TES: variants seen among roughly 807,000 people sequenced by gnomAD.
TES encodes the protein testin.
A neutral mutation model predicts 48.2 loss-of-function variants in TES; 41 were observed. The observed-to-expected ratio is 0.85, with a 90% CI of 0.66 to 1.10. The LOEUF (loss-of-function observed/expected upper bound fraction) is 1.10, where lower values mean the gene tolerates loss of function less well. Ranked by LOEUF, TES falls within the 50% of genes least tolerant of loss-of-function variation. TES has a pLI of 0.00. For synonymous variants in TES, 162 were observed against 174.9 expected (o/e 0.93, Z 0.58); for missense variants, 463 against 515.1 (o/e 0.90, Z 0.98).
chr7:116,211,718 C>A (rs922980357), intron 1 of TES, among the ~76,000 whole-genome samples: 1 of 152,150 alleles, frequency 6.6e-6, no homozygotes, highest in Admixed American at 6.5e-5. Flanking sequence ...TTTTGTTTTT[C>A]TCATACTCAT....
At chr7:116,218,681 AT>A (rs60689613) in intron 1 of TES, among the ~76,000 whole-genome samples, 18,149 of 151,886 alleles carry the variant, frequency 0.12, 1,079 homozygotes, top group South Asian at 0.19. Context: ...CAAAATACCG[AT>A]GTCACCTTTG....
intron 2 of TES, among the ~76,000 whole-genome samples, chr7:116,241,322 G>T (rs1799845539): frequency 6.6e-6 from 1 of 152,206 alleles, no homozygotes; most frequent in Admixed American, 6.5e-5. Context: ...CTAAAACTAG[G>T]TAAGTGGTAA....
intron 2 of TES, among the ~76,000 whole-genome samples, chr7:116,243,220 A>T (rs1799872501): frequency 6.6e-6 from 1 of 152,156 alleles, no homozygotes; most frequent in Non-Finnish European, 1.5e-5. Flanking sequence ...GCCTAATTGT[A>T]TCTAATGTTA....
chr7:116,229,033 T>TATATATATATATATATA (rs1417517023), intron 1 of TES, among the ~76,000 whole-genome samples: 11 of 115,480 alleles, frequency 9.5e-5, no homozygotes, highest in African/African-American at 2.7e-4. Flanking sequence ...TATATATATA[T>TATATATATATATATATA]AATCATTTCC....
chr7:116,236,802 T>A (rs1356371004), intron 2 of TES, among the ~76,000 whole-genome samples: 1 of 152,210 alleles, frequency 6.6e-6, no homozygotes, highest in African/African-American at 2.4e-5. Context: ...AATAACCTTT[T>A]ACATTTCAAT....
chr7:116,221,448 A>G (rs530590780), intron 1 of TES, among the ~76,000 whole-genome samples: 1 of 152,276 alleles, frequency 6.6e-6, no homozygotes, highest in South Asian at 2.1e-4. Flanking sequence ...TCCCATTAAA[A>G]AGTGGAGTCT....
intron 1 of TES, among the ~76,000 whole-genome samples, chr7:116,215,725 TA>T (rs1247612546): frequency 6.6e-6 from 1 of 152,112 alleles, no homozygotes; most frequent in Non-Finnish European, 1.5e-5. Context: ...TCTGGAACTA[TA>T]AAGGGATGCT....
intron 1 of TES, among the ~76,000 whole-genome samples, chr7:116,215,588 G>A (rs1305512544): frequency 6.6e-6 from 1 of 152,140 alleles, no homozygotes; most frequent in Non-Finnish European, 1.5e-5. Context: ...TATCTTCTAA[G>A]ATTCTCCCAA....
intron 2 of TES, 77 bp downstream of exon 2, chr7:116,234,696 C>T (rs1430155112): frequency 8.4e-6 from 10 of 1,187,978 alleles, no homozygotes; most frequent in Admixed American, 5.2e-5. Context: ...GAGATATCTT[C>T]GAGTTCTCCA....
intron 2 of TES, 126 bp from the exon 3 acceptor site, chr7:116,248,894 A>G: frequency 1.1e-6 from 1 of 951,020 alleles, no homozygotes; most frequent in East Asian, 2.7e-5. Flanking sequence ...CCCTCCTAAA[A>G]AAGGACTTGC....
chr7:116,229,987 A>G (rs914811159), intron 1 of TES, among the ~76,000 whole-genome samples: 1 of 152,228 alleles, frequency 6.6e-6, no homozygotes, highest in African/African-American at 2.4e-5. Flanking sequence ...GGTATCAATG[A>G]GATTTAAGTT....
intron 2 of TES, among the ~76,000 whole-genome samples, chr7:116,243,256 TGTAA>T (rs1434373225): frequency 6.6e-6 from 1 of 152,228 alleles, no homozygotes; most frequent in East Asian, 1.9e-4. Flanking sequence ...GACTGAACAA[TGTAA>T]GTATCTTTAG....
At chr7:116,242,580 G>T (rs1416338380) in intron 2 of TES, among the ~76,000 whole-genome samples, 2 of 151,468 alleles carry the variant, frequency 1.3e-5, no homozygotes, top group African/African-American at 4.9e-5. Context: ...AATATTTTCA[G>T]TTTGCATACT....
intron 2 of TES, among the ~76,000 whole-genome samples, chr7:116,236,554 C>A (rs1364282756): frequency 6.6e-6 from 1 of 152,090 alleles, no homozygotes; most frequent in Non-Finnish European, 1.5e-5. Flanking sequence ...AAATCTGATA[C>A]ACTTCTGTTT....
At chr7:116,256,441 C>T (rs917891894) in intron 6 of TES, among the ~76,000 whole-genome samples, 3 of 152,200 alleles carry the variant, frequency 2.0e-5, no homozygotes, top group African/African-American at 7.2e-5. Context: ...AACTTTAAGA[C>T]AGCCATATTC....
At chr7:116,231,953 T>C (rs1799706157) in intron 1 of TES, among the ~76,000 whole-genome samples, 1 of 152,210 alleles carries the variant, frequency 6.6e-6, no homozygotes, top group Admixed American at 6.5e-5. Flanking sequence ...ATTTTATTTT[T>C]GATTTACAAA....
chr7:116,214,791 C>G (rs1384351050), intron 1 of TES, among the ~76,000 whole-genome samples: 1 of 152,042 alleles, frequency 6.6e-6, no homozygotes, highest in East Asian at 1.9e-4. Context: ...TTGTGCATGC[C>G]CATACTCCAT....
At chr7:116,211,556 G>A (rs1296761210) in intron 1 of TES, 1 of 152,262 alleles carries the variant, frequency 6.6e-6, no homozygotes, top group Non-Finnish European at 1.5e-5. Flanking sequence ...AAGGAATGCT[G>A]ATGTCACATT....
chr7:116,251,638 G>A, intron 4 of TES, 122 bp from the exon 5 acceptor site: 2 of 882,308 alleles, frequency 2.3e-6, no homozygotes, highest in Non-Finnish European at 1.8e-6. Context: ...AGCCGAGATA[G>A]CACCACTGGA....
Sources: gnomAD v4.1 joint callset for allele counts (sites outside exome capture counted in the v4.1 genomes callset) on GRCh38, gnomAD v4.1.1 for gene constraint, MANE v1.5 for transcripts, NCBI Gene and HGNC (gene_info 2026-07-23, HGNC 2026-07-21) for gene names.